PRIMA1: variants seen among roughly 807,000 people sequenced by gnomAD.
PRIMA1 encodes the protein proline-rich membrane anchor 1.
In PRIMA1, 7 loss-of-function variants were observed where a neutral mutation model predicts 17.5. The ratio of observed to expected loss-of-function variants is 0.40; its 90% CI spans 0.23 to 0.75. PRIMA1 has a LOEUF of 0.75. Ranked by LOEUF, PRIMA1 falls within the 30% of genes least tolerant of loss-of-function variation. The pLI, the probability that PRIMA1 is intolerant of heterozygous loss-of-function variation, is 0.37. For synonymous variants in PRIMA1, 97 were observed against 77.9 expected (o/e 1.25, Z -1.29); for missense variants, 200 against 201.8 (o/e 0.99, Z 0.05).
At position 93,726,011 on chromosome 14, in the gene PRIMA1, A is replaced by G. The variant is rs2141151285; in HGVS notation, c.360-4465T>C. On this transcript the variant is annotated intron_variant, in intron 4 of 4. Transcript: ENST00000393140. The surrounding 1 kb of genome is among the most constrained non-coding windows in gnomAD (Gnocchi z 4.2). ...GCTCCCTAGATGGCATGGTTCCTAG[A>G]AACCAAGAGAGAGGTTAGTGAGACT... 1 of 456,588 alleles carries G rather than the reference A, an allele frequency of 2.2e-6. No homozygotes were observed. Among genetic ancestry groups the G allele is most frequent in the South Asian group, 1.5e-5 (1 of 64,558 alleles). 28.3% of individuals were successfully genotyped at this position (456,588 alleles called of 1,614,324 possible).
chr14:93,770,370 C>G (rs1000260404), intron 3 of PRIMA1, among the ~76,000 whole-genome samples: 1 of 152,238 alleles, frequency 6.6e-6, no homozygotes, highest in African/African-American at 2.4e-5. Context: ...CCTCCACGGC[C>G]CTGTGCGGTC....
At chr14:93,762,257 C>T (rs748629284) in intron 3 of PRIMA1, among the ~76,000 whole-genome samples, 7 of 152,148 alleles carry the variant, frequency 4.6e-5, no homozygotes, top group Non-Finnish European at 7.4e-5. Flanking sequence ...GTCTCCCACC[C>T]GGCAGATGCA....
intron 3 of PRIMA1, among the ~76,000 whole-genome samples, chr14:93,756,589 A>G (rs2076292043): frequency 6.7e-6 from 1 of 150,226 alleles, no homozygotes; most frequent in African/African-American, 2.5e-5. Context: ...GATCAGTCCC[A>G]TGCCTTCAAG....
intron 3 of PRIMA1, among the ~76,000 whole-genome samples, chr14:93,740,871 A>G (rs1192057725): frequency 6.6e-6 from 1 of 152,258 alleles, no homozygotes; most frequent in African/African-American, 2.4e-5. Flanking sequence ...TTGATTGATT[A>G]TAAGCCTCAT....
intron 3 of PRIMA1, among the ~76,000 whole-genome samples, chr14:93,744,968 G>A (rs1266480695): frequency 6.6e-6 from 1 of 152,130 alleles, no homozygotes; most frequent in African/African-American, 2.4e-5. Flanking sequence ...GAAGCAGCTT[G>A]TGGGCACTGT....
At chr14:93,779,451 A>G in intron 2 of PRIMA1, 140 bp from the exon 3 acceptor site, 1 of 711,900 alleles carries the variant, frequency 1.4e-6, no homozygotes, top group Non-Finnish European at 2.2e-6. Context: ...AAGAATCAAC[A>G]GAAGTCGGAT....
At chr14:93,744,308 C>T (rs543015066) in intron 3 of PRIMA1, among the ~76,000 whole-genome samples, 17 of 152,330 alleles carry the variant, frequency 1.1e-4, no homozygotes, top group East Asian at 5.8e-4. Flanking sequence ...CACTCTTCTG[C>T]GGTGCCTGCT....
At chr14:93,752,010 G>T (rs1427514161) in intron 3 of PRIMA1, among the ~76,000 whole-genome samples, 1 of 152,150 alleles carries the variant, frequency 6.6e-6, no homozygotes. Flanking sequence ...CACAGACCTA[G>T]ATCATTTCCA....
In PRIMA1 at chr14:93,785,930, G is replaced by A. The variant is rs145572359; in HGVS notation, c.93+1696C>T. Among the ~76,000 whole-genome samples the A allele has an allele frequency of 2.2e-3, 328 of 152,074 alleles. 1 individual carries two copies. Among genetic ancestry groups the A allele is most frequent in the Admixed American group, 5.7e-3 (87 of 15,256 alleles). On this transcript the variant is annotated intron_variant, in intron 2 of 4. Transcript: ENST00000393140. Reference sequence around the variant, plus strand: ...CACACACACACACACCCCTGCTTGTGTAAGTACTGCCTGGCTGAAGGACAC... The same window carrying A: ...CACACACACACACACCCCTGCTTGTATAAGTACTGCCTGGCTGAAGGACAC...
chr14:93,756,222 T>A (rs2076289717), intron 3 of PRIMA1, among the ~76,000 whole-genome samples: 1 of 152,214 alleles, frequency 6.6e-6, no homozygotes. Flanking sequence ...GAAATATCTT[T>A]GATTTTAAAT....
intron 4 of PRIMA1, among the ~76,000 whole-genome samples, chr14:93,723,581 G>C (rs932524950): frequency 6.6e-6 from 1 of 152,166 alleles, no homozygotes; most frequent in African/African-American, 2.4e-5. Flanking sequence ...AGCAAGCCAA[G>C]TGCACTCATT....
chr14:93,741,582 C>T (rs1366186177), intron 3 of PRIMA1, among the ~76,000 whole-genome samples: 1 of 152,212 alleles, frequency 6.6e-6, no homozygotes, highest in Non-Finnish European at 1.5e-5. Context: ...TATGCCTTTA[C>T]CAGGGCTGGT....
chr14:93,780,431 G>GTGAA (rs756464675), intron 2 of PRIMA1, among the ~76,000 whole-genome samples: 8 of 152,136 alleles, frequency 5.3e-5, no homozygotes, highest in Non-Finnish European at 8.8e-5. Context: ...TAAATTTTTG[G>GTGAA]TGAATGAATG....
At chr14:93,750,198 T>C (rs1332831308) in intron 3 of PRIMA1, among the ~76,000 whole-genome samples, 2 of 151,662 alleles carry the variant, frequency 1.3e-5, no homozygotes, top group African/African-American at 4.8e-5. Flanking sequence ...AAAAAAAAAA[T>C]TTGCTGGGAT....
In PRIMA1 at chr14:93,770,663, C is replaced by T. The variant is rs558233891; in HGVS notation, c.229+8513G>A. 4.6e-5 allele frequency among the ~76,000 whole-genome samples: 7 copies of T among 152,302 alleles called. No individual in the cohort carries two copies. In the South Asian group the frequency reaches 1.5e-3, roughly 32 times the overall value. ...CTCTATCTCTGTAGCATGTTATCTT[C>T]CATTTTTCCTGTGATAGTTTTGGTT... On this transcript the variant is annotated intron_variant, in intron 3 of 4. Transcript: ENST00000393140.
intron 3 of PRIMA1, 116 bp downstream of exon 3, chr14:93,779,060 T>C: frequency 4.1e-6 from 3 of 733,268 alleles, no homozygotes; most frequent in South Asian, 4.9e-5. Context: ...TCCCTCCTGC[T>C]TGGCCAGTGG....
At chr14:93,728,805 T>C (rs1176618503) in intron 4 of PRIMA1, among the ~76,000 whole-genome samples, 2 of 152,170 alleles carry the variant, frequency 1.3e-5, no homozygotes, top group Admixed American at 6.5e-5. Flanking sequence ...CACGGAGGCC[T>C]GGGCTCCATG....
intron 4 of PRIMA1, among the ~76,000 whole-genome samples, chr14:93,731,021 C>T (rs941119925): frequency 7.9e-5 from 12 of 151,976 alleles, no homozygotes; most frequent in African/African-American, 2.9e-4. Context: ...AGCATGGAGC[C>T]CCCAGGACAA....
rs1432445577 is a variant in PRIMA1, at chr14:93,719,107, C to T, written c.*2337G>A. The stretch of plus-strand genomic sequence containing the variant: ...GTGAATCTTTTAAAAAAACTAGGCT[C>T]TTCCCTTGATTTTTGCTAACTGGGG... On this transcript the variant is annotated 3_prime_UTR_variant, in exon 5 of 5. Coordinates refer to ENST00000393140, the MANE Select transcript of PRIMA1 (RefSeq NM_178013.4). 1 of 152,124 alleles carries T rather than the reference C, an allele frequency of 6.6e-6. No homozygotes were observed. 9.4% of individuals were successfully genotyped at this position (152,124 alleles called of 1,614,324 possible).
Sources: allele counts gnomAD v4.1 joint callset (sites outside exome capture counted in the v4.1 genomes callset), GRCh38; gene constraint gnomAD v4.1.1; non-coding constraint Gnocchi (gnomAD v3.1); transcripts MANE v1.5; gene names NCBI Gene and HGNC (gene_info 2026-07-23, HGNC 2026-07-21).